ACTR3B: variants seen among roughly 807,000 people sequenced by gnomAD.
ACTR3B encodes the protein actin related protein 3B.
ACTR3B carries 8 observed loss-of-function variants against 59.0 expected under a neutral mutation model. The ratio of observed to expected loss-of-function variants is 0.14; its 90% confidence interval spans 0.08 to 0.24. The LOEUF (loss-of-function observed/expected upper bound fraction) is 0.24. Ranked by LOEUF, ACTR3B falls within the 10% of genes least tolerant of loss-of-function variation. The pLI, the probability that ACTR3B is intolerant of heterozygous loss-of-function variation, is 1.00. For missense variants in ACTR3B, 245 were observed against 552.3 expected, an observed-to-expected ratio of 0.44 and a Z score of 5.58; for synonymous variants, 148 against 197.9, an observed-to-expected ratio of 0.75 and a Z score of 2.12.
chr7:152,760,031 A>G (rs2098084241), intron 1 of ACTR3B, 105 bp downstream of exon 1: 1 of 1,089,296 alleles, frequency 9.2e-7, no homozygotes, highest in Non-Finnish European at 1.2e-6. Context: ...CCCGGGCTTG[A>G]GCCCCGCGAT....
intron 4 of ACTR3B, among the ~76,000 whole-genome samples, chr7:152,805,276 A>C (rs1455503873): frequency 7.3e-5 from 11 of 151,568 alleles, no homozygotes; most frequent in Non-Finnish European, 1.6e-4. Flanking sequence ...ACATGAGAAG[A>C]AACTCACTTG....
intron 1 of ACTR3B, among the ~76,000 whole-genome samples, chr7:152,777,173 C>A (rs1195203682): frequency 6.6e-6 from 1 of 152,106 alleles, no homozygotes; most frequent in Non-Finnish European, 1.5e-5. Context: ...TTACTATCAC[C>A]TGTGTATAAT....
At chr7:152,810,728 C>CAA (rs1795161226) in intron 4 of ACTR3B, 1 of 151,818 alleles carries the variant, frequency 6.6e-6, no homozygotes, top group African/African-American at 2.4e-5. Flanking sequence ...ATCGTGAAAC[C>CAA]CTGTCTCTAC....
intron 1 of ACTR3B, among the ~76,000 whole-genome samples, chr7:152,781,797 T>G (rs1174298703): frequency 6.6e-6 from 1 of 152,168 alleles, no homozygotes; most frequent in Non-Finnish European, 1.5e-5. Flanking sequence ...GGCTCTGAAT[T>G]CTACCTTGTA....
intron 7 of ACTR3B, among the ~76,000 whole-genome samples, chr7:152,821,048 G>T (rs1796107434): frequency 6.6e-6 from 1 of 152,148 alleles, no homozygotes; most frequent in African/African-American, 2.4e-5. Flanking sequence ...TAGGTCAGGA[G>T]GCACTGGCAT....
At chr7:152,834,823 C>T (rs936128797) in intron 9 of ACTR3B, among the ~76,000 whole-genome samples, 1 of 152,148 alleles carries the variant, frequency 6.6e-6, no homozygotes, top group Admixed American at 6.5e-5. Flanking sequence ...AATCTGCTGG[C>T]GAGTGAAGCA....
At chr7:152,764,430 G>A (rs1455910006) in intron 1 of ACTR3B, among the ~76,000 whole-genome samples, 5 of 151,862 alleles carry the variant, frequency 3.3e-5, no homozygotes, top group Non-Finnish European at 1.5e-5. Context: ...TCAGGAGATC[G>A]AGACCATCCT....
At chr7:152,785,481 G>GAGAGAGAGAGAC (rs368416136) in intron 2 of ACTR3B, among the ~76,000 whole-genome samples, 6,172 of 13,424 alleles carry the variant, frequency 0.46, 1,879 homozygotes, top group Middle Eastern at 0.6. Flanking sequence ...GAGGGAGAGA[G>GAGAGAGAGAGAC]AGAGAGAGAG....
chr7:152,796,877 T>G (rs1179715913), intron 2 of ACTR3B, among the ~76,000 whole-genome samples: 4,740 of 106,736 alleles, frequency 0.044, 185 homozygotes, highest in African/African-American at 0.093. Context: ...TTTTTTTTTT[T>G]TTTTTTTTTT....
rs1796418305 is a variant in ACTR3B at position 152,824,486 on chromosome 7, T to C, written c.859-544T>C. 1.3e-5 allele frequency among the ~76,000 whole-genome samples: 2 copies of C among 152,232 alleles called. 1 individual carries two copies. The highest frequency in any genetic ancestry group is 4.1e-4 in the South Asian group (2 of 4,830). On this transcript the variant is annotated intron_variant, in intron 8 of 11. Transcript: ENST00000256001. This position sits in a 1 kb window ranked among gnomAD's most constrained non-coding sequence, Gnocchi z 4.2. ...GTTATACTTTAGCTTATTTAACTTA[T>C]GGAATTGAATCTATGGCTGTTTATT...
chr7:152,834,646 CTG>C (rs1368908017), intron 9 of ACTR3B, among the ~76,000 whole-genome samples: 2 of 152,186 alleles, frequency 1.3e-5, no homozygotes, highest in Non-Finnish European at 2.9e-5. Context: ...CATGCTGTGT[CTG>C]TTTCGATACC....
intron 10 of ACTR3B, among the ~76,000 whole-genome samples, chr7:152,853,046 C>T (rs1418306753): frequency 1.3e-5 from 2 of 152,106 alleles, no homozygotes; most frequent in Non-Finnish European, 2.9e-5. Flanking sequence ...GCGCCTCGGC[C>T]TCCCAAAGTG....
rs528281233 is a variant in ACTR3B at position 152,817,973 on chromosome 7, G to A, written c.540+1385G>A. On this transcript the variant is annotated intron_variant, in intron 6 of 11. Coordinates refer to ENST00000256001, the MANE Select transcript of ACTR3B (RefSeq NM_020445.6). ...CCATACCTTGTACTCCTGGCTACGT[G>A]TCCTTCCTGTGGGGAGGAGAGGTGG... Among the ~76,000 whole-genome samples, 235 of 152,272 alleles carry A rather than the reference G, an allele frequency of 1.5e-3. 1 individual carries two copies. The highest frequency in any genetic ancestry group is 3.7e-4 in the Non-Finnish European group (25 of 68,004).
At chr7:152,810,408 GTTTTTTT>G (rs1165466125) in intron 4 of ACTR3B, among the ~76,000 whole-genome samples, 2 of 126,908 alleles carry the variant, frequency 1.6e-5, no homozygotes, top group Admixed American at 8.4e-5. Flanking sequence ...CACCCAGCCT[GTTTTTTT>G]TTTTTTTTTT....
chr7:152,831,895 T>C (rs1797062637), intron 9 of ACTR3B, among the ~76,000 whole-genome samples: 3 of 152,148 alleles, frequency 2.0e-5, no homozygotes, highest in South Asian at 2.1e-4. Flanking sequence ...GACAGGCATA[T>C]CCACCTGGAG....
chr7:152,810,917 A>AG, intron 4 of ACTR3B: 1 of 152,210 alleles, frequency 6.6e-6, no homozygotes, highest in East Asian at 1.9e-4. Flanking sequence ...AAAAAAAAAA[A>AG]AAAAGTTTTC....
Position 152,787,226 on chromosome 7 carries a change from T to C in ACTR3B, c.100+3984T>C, listed in dbSNP as rs529333612. Among the ~76,000 whole-genome samples, 219 of 152,330 alleles carry C rather than the reference T, an allele frequency of 1.4e-3. 3 individuals are homozygous for C. The South Asian group carries it at 0.039, about 27-fold the overall frequency. ...CTTACATTTTGGTCAGTCTAATGAA[T>C]GTAAAATGATGGCTCATTCAAAAAA... On this transcript the variant is annotated intron_variant, in intron 2 of 11. Transcript: ENST00000256001.
Position 152,796,124 on chromosome 7 carries a change from C to T in ACTR3B, c.101-4407C>T, listed in dbSNP as rs1346855797. The stretch of plus-strand genomic sequence containing the variant: ...CCTCCTAAAGTGCTGGGATAACAGG[C>T]GTGAGCCACCGCGCCCGGCCTTAGC... On this transcript the variant is annotated intron_variant, in intron 2 of 11. Coordinates refer to ENST00000256001, the MANE Select transcript of ACTR3B (RefSeq NM_020445.6). Among the ~76,000 whole-genome samples, 6 of 152,270 alleles carry T rather than the reference C, an allele frequency of 3.9e-5. No homozygotes were observed. In the East Asian group the frequency reaches 5.8e-4, roughly 15 times the overall value.
chr7:152,802,602 T>G (rs1485015796), intron 4 of ACTR3B, among the ~76,000 whole-genome samples: 1 of 148,944 alleles, frequency 6.7e-6, no homozygotes, highest in African/African-American at 2.5e-5. Context: ...ACATGTTTTC[T>G]TCCGTGAGAT....
Sources: allele counts gnomAD v4.1 joint callset (sites outside exome capture counted in the v4.1 genomes callset), GRCh38; gene constraint gnomAD v4.1.1; non-coding constraint Gnocchi (gnomAD v3.1); transcripts MANE v1.5; gene names NCBI Gene and HGNC (gene_info 2026-07-23, HGNC 2026-07-21).